The following IGSF5 variants were observed in gnomAD, a reference collection of about 807,000 sequenced individuals.
IGSF5 encodes the protein immunoglobulin superfamily member 5.
Under a neutral mutation model 39.4 loss-of-function variants are expected in IGSF5, and 41 were observed. The observed-to-expected ratio is 1.04, with a 90% CI of 0.81 to 1.35. IGSF5 has a LOEUF of 1.35. Among genes scored for constraint, IGSF5 ranks in the 40% most tolerant of loss-of-function variants. The pLI, the probability that IGSF5 is intolerant of heterozygous loss-of-function variation, is 0.00. For missense variants in IGSF5, 487 were observed against 494.6 expected, an observed-to-expected ratio of 0.98 and a Z score of 0.15; for synonymous variants, 183 against 175.3, an observed-to-expected ratio of 1.04 and a Z score of -0.34.
intron 5 of IGSF5, among the ~76,000 whole-genome samples, chr21:39,782,547 A>T (rs961325005): frequency 1.3e-5 from 2 of 152,154 alleles, no homozygotes; most frequent in African/African-American, 2.4e-5. Context: ...GGCAACCACG[A>T]TTCTACTTTC....
chr21:39,712,936 C>T, the IGSF5 span, among the ~76,000 whole-genome samples: 1 of 152,156 alleles, frequency 6.6e-6, no homozygotes. Flanking sequence ...TGTGTTTTAA[C>T]CTCGGGCCAC....
chr21:39,797,873 T>C (rs1482911394), intron 8 of IGSF5, among the ~76,000 whole-genome samples: 2 of 152,218 alleles, frequency 1.3e-5, no homozygotes, highest in Non-Finnish European at 2.9e-5. Context: ...TATGATTAGA[T>C]CACTATAGAT....
At chr21:39,755,316 G>T (rs1172605534) in intron 2 of IGSF5, among the ~76,000 whole-genome samples, 1 of 152,174 alleles carries the variant, frequency 6.6e-6, no homozygotes, top group Non-Finnish European at 1.5e-5. Context: ...ACCTGGTGCG[G>T]TGGCTCATGC....
chr21:39,754,300 G>A (rs1442427320), intron 2 of IGSF5, among the ~76,000 whole-genome samples: 2 of 152,190 alleles, frequency 1.3e-5, no homozygotes, highest in Non-Finnish European at 2.9e-5. Context: ...GTTTAAAGAG[G>A]CTAAAGATAG....
At chr21:39,779,028 G>A (rs1035386660) in intron 4 of IGSF5, 62 bp from the exon 5 acceptor site, 30 of 1,569,038 alleles carry the variant, frequency 1.9e-5, no homozygotes, top group African/African-American at 4.1e-5. Context: ...ACTTATAATG[G>A]GGCAGAATCT....
Position 39,770,992 on chromosome 21 carries a change from C to G in IGSF5, c.495C>G (p.Pro165=), listed in dbSNP as rs760678107. The G allele has an allele frequency of 8.1e-6, 13 of 1,613,280 alleles. No individual in the cohort carries two copies. In the South Asian group the frequency reaches 1.3e-4, roughly 16 times the overall value. The change falls in exon 4 of 9, where the codon CCC becomes CCG. Residue 165 remains proline (P), a synonymous_variant. Coordinates refer to ENST00000380588, the MANE Select transcript of IGSF5 (RefSeq NM_001080444.2). ...AACCTTGTGAAGTTACTTGTCTACC[C>G]TCACACTGGACCCGGCTCCCGGATA... ...ENEPCEVTCL[P]SHWTRLPDIS...
At chr21:39,747,189 G>A (rs149660290) in intron 2 of IGSF5, among the ~76,000 whole-genome samples, 3 of 152,310 alleles carry the variant, frequency 2.0e-5, no homozygotes, top group African/African-American at 7.2e-5. Flanking sequence ...AATCATGGCC[G>A]AAGGTGAAAG....
intron 2 of IGSF5, among the ~76,000 whole-genome samples, chr21:39,752,867 T>C (rs754907071): frequency 6.6e-6 from 1 of 152,172 alleles, no homozygotes; most frequent in Non-Finnish European, 1.5e-5. Context: ...TTCTTGCTGA[T>C]TTGTTTTAGT....
chr21:39,760,928 A>G (rs1055743101), intron 2 of IGSF5, among the ~76,000 whole-genome samples: 1 of 152,172 alleles, frequency 6.6e-6, no homozygotes, highest in African/African-American at 2.4e-5. Flanking sequence ...AAATGATGGA[A>G]ATCTTTCAAA....
At chr21:39,753,125 A>G (rs4816647) in intron 2 of IGSF5, among the ~76,000 whole-genome samples, 116,311 of 148,222 alleles carry the variant, frequency 0.78, 44,928 homozygotes, top group Admixed American at 0.83. Flanking sequence ...AGAGTTTTGG[A>G]TCATAGATTT....
intron 6 of IGSF5, among the ~76,000 whole-genome samples, chr21:39,790,083 C>T (rs771832867): frequency 8.5e-5 from 13 of 152,138 alleles, no homozygotes; most frequent in East Asian, 1.9e-4. Flanking sequence ...CCCTAGACCC[C>T]GGTCAAATTG....
the IGSF5 span, among the ~76,000 whole-genome samples, chr21:39,718,663 A>C: frequency 6.6e-6 from 1 of 152,140 alleles, no homozygotes; most frequent in African/African-American, 2.4e-5. Context: ...ATTGATTTTC[A>C]TATGTTGAAC....
the IGSF5 span, among the ~76,000 whole-genome samples, chr21:39,726,261 G>T: frequency 6.6e-6 from 1 of 152,160 alleles, no homozygotes; most frequent in African/African-American, 2.4e-5. Context: ...CCATGATTTA[G>T]CCTGTGGATT....
At chr21:39,750,049 A>C (rs756781427) in intron 2 of IGSF5, among the ~76,000 whole-genome samples, 1 of 152,184 alleles carries the variant, frequency 6.6e-6, no homozygotes, top group Non-Finnish European at 1.5e-5. Flanking sequence ...ATTGTGAAGG[A>C]GGTATGCAGC....
chr21:39,776,852 A>G (rs1601134328), intron 4 of IGSF5, among the ~76,000 whole-genome samples: 1 of 152,244 alleles, frequency 6.6e-6, no homozygotes, highest in African/African-American at 2.4e-5. Context: ...CTTGAGCCAG[A>G]CCTCATTGGT....
At chr21:39,792,763 G>A (rs456800) in intron 7 of IGSF5, among the ~76,000 whole-genome samples, 61,369 of 151,898 alleles carry the variant, frequency 0.4, 13,314 homozygotes, top group Non-Finnish European at 0.51. Context: ...ACAATACAGA[G>A]TGATAATGCA....
chr21:39,758,536 G>T (rs974301232), intron 2 of IGSF5, among the ~76,000 whole-genome samples: 11 of 152,248 alleles, frequency 7.2e-5, no homozygotes, highest in African/African-American at 2.6e-4. Flanking sequence ...GCCATTTTCA[G>T]GGCGAGAATC....
the IGSF5 span, among the ~76,000 whole-genome samples, chr21:39,733,188 G>A: frequency 3.9e-5 from 6 of 151,936 alleles, no homozygotes; most frequent in African/African-American, 1.4e-4. Flanking sequence ...AATGGCAAAC[G>A]ACATAATGCT....
intron 5 of IGSF5, among the ~76,000 whole-genome samples, chr21:39,779,783 G>A (rs1008596566): frequency 6.6e-6 from 1 of 152,180 alleles, no homozygotes; most frequent in Non-Finnish European, 1.5e-5. Flanking sequence ...ATTATGCTAA[G>A]TGAAATAAGC....
Sources: gnomAD v4.1 joint callset for allele counts (sites outside exome capture counted in the v4.1 genomes callset) on GRCh38, gnomAD v4.1.1 for gene constraint, MANE v1.5 for transcripts, NCBI Gene and HGNC (gene_info 2026-07-23, HGNC 2026-07-21) for gene names.